The following PCBP3 variants were observed in gnomAD, a reference collection of about 807,000 sequenced individuals.
PCBP3 encodes the protein poly(rC) binding protein 3, also known as poly(rC)-binding protein 3.
Under a neutral mutation model 52.7 loss-of-function variants are expected in PCBP3, and 25 were observed. That is an observed-to-expected ratio of 0.47 (90% CI 0.35 to 0.66). The LOEUF (loss-of-function observed/expected upper bound fraction) is 0.66. Among genes scored for constraint, PCBP3 ranks in the 30% least tolerant of loss-of-function variants. PCBP3 has a pLI of 0.01. For synonymous variants in PCBP3, 162 were observed against 183.0 expected (o/e 0.89, Z 0.93); for missense variants, 391 against 490.3 (o/e 0.80, Z 1.91).
intron 4 of PCBP3, among the ~76,000 whole-genome samples, chr21:45,819,265 G>C (rs1194584983): frequency 6.6e-6 from 1 of 152,200 alleles, no homozygotes; most frequent in Admixed American, 6.5e-5. Context: ...GGAAATCTCT[G>C]TGTTTTGTGC....
Position 45,888,306 on chromosome 21 carries a change from T to G in PCBP3, c.11-7902T>G, listed in dbSNP as rs551005556. On this transcript the variant is annotated intron_variant, in intron 5 of 17. Transcript: ENST00000681687. ...AGCACAGAGCCTAAAGCTTAGTGAC[T>G]GCCTAGGAAATATTTGTTAAAATAA... 3.3e-5 allele frequency among the ~76,000 whole-genome samples: 5 copies of G among 152,376 alleles called. No individual in the cohort carries two copies. The East Asian group carries it at 9.6e-4, about 29-fold the overall frequency.
chr21:45,889,119 C>T (rs557995526), intron 5 of PCBP3, among the ~76,000 whole-genome samples: 2 of 152,286 alleles, frequency 1.3e-5, no homozygotes, highest in South Asian at 4.1e-4. Context: ...GTGTTGATGC[C>T]CTCATCCTGG....
chr21:45,850,808 G>A (rs1320731104), intron 5 of PCBP3, among the ~76,000 whole-genome samples: 2 of 152,232 alleles, frequency 1.3e-5, no homozygotes, highest in Non-Finnish European at 2.9e-5. Context: ...ACATAGGGAT[G>A]TATGTGTACA....
chr21:45,855,737 G>A (rs1054631327), intron 5 of PCBP3, among the ~76,000 whole-genome samples: 3 of 152,252 alleles, frequency 2.0e-5, no homozygotes, highest in African/African-American at 7.2e-5. Flanking sequence ...AGTGCCCGAT[G>A]GCCTGAGGGC....
chr21:45,699,779 A>G (rs1373927344), intron 2 of PCBP3, among the ~76,000 whole-genome samples: 3 of 152,172 alleles, frequency 2.0e-5, no homozygotes, highest in Non-Finnish European at 4.4e-5. Flanking sequence ...TCACTGTCAC[A>G]AGAATAGCAT....
chr21:45,756,733 T>A (rs2088087448), intron 4 of PCBP3, among the ~76,000 whole-genome samples: 1 of 152,190 alleles, frequency 6.6e-6, no homozygotes, highest in Non-Finnish European at 1.5e-5. Flanking sequence ...TACTCTGAAG[T>A]TTTGTATTAA....
At chr21:45,885,271 C>T (rs559823282) in intron 5 of PCBP3, among the ~76,000 whole-genome samples, 1 of 152,148 alleles carries the variant, frequency 6.6e-6, no homozygotes, top group Admixed American at 6.5e-5. Context: ...CCATTGTCTC[C>T]CTCCTGTAGC....
intron 1 of PCBP3, among the ~76,000 whole-genome samples, chr21:45,645,412 A>G (rs1012078134): frequency 1.3e-4 from 20 of 152,200 alleles, no homozygotes; most frequent in African/African-American, 4.3e-4. Context: ...GACTCTGTCT[A>G]GAATTCAGGG....
intron 2 of PCBP3, among the ~76,000 whole-genome samples, chr21:45,715,648 A>G (rs1386848781): frequency 6.6e-6 from 1 of 152,046 alleles, no homozygotes; most frequent in Non-Finnish European, 1.5e-5. Flanking sequence ...AGCACTTGTT[A>G]TTGTCTGTCT....
chr21:45,893,684 C>T (rs1372619872), intron 5 of PCBP3: 4 of 902,188 alleles, frequency 4.4e-6, no homozygotes, highest in Non-Finnish European at 5.2e-6. Context: ...TGTCCCATTG[C>T]ATGGGCTAAA....
intron 4 of PCBP3, among the ~76,000 whole-genome samples, chr21:45,824,014 T>A (rs1457925527): frequency 1.3e-5 from 2 of 152,256 alleles, no homozygotes; most frequent in Non-Finnish European, 2.9e-5. Flanking sequence ...AGTGCTGGGA[T>A]TACAGGCATG....
chr21:45,661,703 A>C (rs189432790), intron 1 of PCBP3, among the ~76,000 whole-genome samples: 76 of 152,192 alleles, frequency 5.0e-4, no homozygotes, highest in Admixed American at 1.8e-3. Context: ...TGGTAGTTCT[A>C]TTTCTATTTT....
intron 10 of PCBP3, among the ~76,000 whole-genome samples, chr21:45,909,907 G>GACCCCCC (rs2096315701): frequency 1.7e-5 from 1 of 57,150 alleles, no homozygotes; most frequent in Non-Finnish European, 3.5e-5. Flanking sequence ...TACAGACCCG[G>GACCCCCC]CCCACCCACT....
chr21:45,780,610 A>G (rs1000073459), intron 4 of PCBP3, among the ~76,000 whole-genome samples: 1 of 152,240 alleles, frequency 6.6e-6, no homozygotes, highest in African/African-American at 2.4e-5. Flanking sequence ...TGATCAGGAC[A>G]GGAGAGTTGG....
chr21:45,792,846 C>A (rs531332924), intron 4 of PCBP3, among the ~76,000 whole-genome samples: 3 of 152,184 alleles, frequency 2.0e-5, no homozygotes, highest in Admixed American at 1.3e-4. Context: ...CCCCCTCAAA[C>A]CCCCCGGCTT....
At chr21:45,730,851 T>C (rs1204793781) in intron 2 of PCBP3, among the ~76,000 whole-genome samples, 1 of 152,176 alleles carries the variant, frequency 6.6e-6, no homozygotes, top group African/African-American at 2.4e-5. Context: ...ACTCCACCTT[T>C]TTTTTATTAG....
intron 4 of PCBP3, among the ~76,000 whole-genome samples, chr21:45,825,198 G>A (rs2093274929): frequency 6.6e-6 from 1 of 152,194 alleles, no homozygotes; most frequent in African/African-American, 2.4e-5. Flanking sequence ...GTTCAGGGAT[G>A]TTTGCGAGCT....
intron 4 of PCBP3, among the ~76,000 whole-genome samples, chr21:45,756,979 T>C (rs2088114702): frequency 1.3e-5 from 2 of 152,248 alleles, no homozygotes; most frequent in Non-Finnish European, 1.5e-5. Context: ...GAATAATGCT[T>C]CTACAAACAT....
intron 4 of PCBP3, among the ~76,000 whole-genome samples, chr21:45,778,392 T>C (rs1163264116): frequency 2.6e-5 from 4 of 152,178 alleles, no homozygotes; most frequent in African/African-American, 7.2e-5. Context: ...AGGCCGATTA[T>C]TGGGCCTCCA....
Sources: gnomAD v4.1 joint callset for allele counts (sites outside exome capture counted in the v4.1 genomes callset) on GRCh38, gnomAD v4.1.1 for gene constraint, MANE v1.5 for transcripts, NCBI Gene and HGNC (gene_info 2026-07-23, HGNC 2026-07-21) for gene names.